The following FABP3 variants were observed in gnomAD, a reference collection of about 807,000 sequenced individuals.
FABP3 encodes the protein fatty acid-binding protein, heart.
Under a neutral mutation model 13.4 loss-of-function variants are expected in FABP3, and 8 were observed. The observed-to-expected ratio is 0.60, with a 90% CI of 0.35 to 1.07. The LOEUF (loss-of-function observed/expected upper bound fraction) is 1.07. Ranked by LOEUF, FABP3 falls within the 50% of genes least tolerant of loss-of-function variation. The pLI, the probability that FABP3 is intolerant of heterozygous loss-of-function variation, is 0.02. For missense variants in FABP3, 135 were observed against 164.7 expected (o/e 0.82, Z 0.99); for synonymous variants, 64 against 60.0 (o/e 1.07, Z -0.31).
chr1:31,371,079 C>T (rs1640200955), intron 1 of FABP3, among the ~76,000 whole-genome samples: 1 of 152,232 alleles, frequency 6.6e-6, no homozygotes, highest in Non-Finnish European at 1.5e-5. Context: ...GCGATTCTGT[C>T]CAGCACATAC....
downstream of FABP3, chr1:31,364,989 A>G (rs1323417729): frequency 6.6e-6 from 1 of 152,246 alleles, no homozygotes; most frequent in Non-Finnish European, 1.5e-5. Context: ...TTACAGACTT[A>G]AAGTCACTGA....
intron 3 of FABP3, among the ~76,000 whole-genome samples, chr1:31,366,808 G>A (rs1175805510): frequency 2.0e-5 from 3 of 152,172 alleles, no homozygotes; most frequent in African/African-American, 7.2e-5. Context: ...TGAAAATGGG[G>A]TAGGACTAGA....
chr1:31,369,200 G>T, intron 2 of FABP3, 185 bp downstream of exon 2: 1 of 663,452 alleles, frequency 1.5e-6, no homozygotes. Context: ...CAAGAGGACA[G>T]AACTGACATG....
At chr1:31,368,730 G>A (rs1213979487) in intron 2 of FABP3, among the ~76,000 whole-genome samples, 1 of 152,234 alleles carries the variant, frequency 6.6e-6, no homozygotes, top group Non-Finnish European at 1.5e-5. Flanking sequence ...ATAGAACCCT[G>A]GGAGGAGGGG....
downstream of FABP3, chr1:31,364,556 G>C (rs1243616467): frequency 5.4e-5 from 13 of 241,254 alleles, no homozygotes; most frequent in Non-Finnish European, 1.1e-4. Flanking sequence ...CTGTTGTGGA[G>C]GTGAGTTCGG....
chr1:31,362,680 C>T (rs6663779), downstream of FABP3, among the ~76,000 whole-genome samples: 31,916 of 151,984 alleles, frequency 0.21, 3,701 homozygotes, highest in African/African-American at 0.3. Flanking sequence ...TTTCCCCTGG[C>T]ACCAGGATCT....
chr1:31,371,341 C>T (rs1377034541), intron 1 of FABP3, among the ~76,000 whole-genome samples: 1 of 152,144 alleles, frequency 6.6e-6, no homozygotes, highest in Non-Finnish European at 1.5e-5. Flanking sequence ...TAGGATCTAC[C>T]CAGAGGTATG....
chr1:31,364,105 G>C, downstream of FABP3: 1 of 1,613,836 alleles, frequency 6.2e-7, no homozygotes, highest in Non-Finnish European at 8.5e-7. Context: ...AGTGATACAG[G>C]CAAGAGGGCA....
In FABP3 at chr1:31,365,782, A is replaced by T; in HGVS notation, c.*104T>A. 9.4e-7 allele frequency: 1 copy of T among 1,064,228 alleles called. No homozygotes were observed. Among genetic ancestry groups the T allele is most frequent in the Non-Finnish European group, 1.4e-6 (1 of 694,654 alleles). The allele number at this position is 1,064,228 out of a possible 1,614,324, so 65.9% of individuals were successfully genotyped here. On this transcript the variant is annotated 3_prime_UTR_variant, in exon 4 of 4. Coordinates refer to ENST00000373713, the MANE Select transcript of FABP3 (RefSeq NM_004102.5). ...GTCAGTGGCACCTGACCCCAGAAGAATTCGTGGATTTGTACAAAATGCAGA... is the reference window on the plus strand; with the variant it reads ...GTCAGTGGCACCTGACCCCAGAAGATTTCGTGGATTTGTACAAAATGCAGA...
intron 2 of FABP3, 48 bp from the exon 3 acceptor site, chr1:31,367,542 G>A (rs1640135452): frequency 6.6e-7 from 1 of 1,508,872 alleles, no homozygotes; most frequent in African/African-American, 1.4e-5. Flanking sequence ...GTCAGGAATT[G>A]AGGGGCAGGG....
intron 2 of FABP3, 63 bp from the exon 3 acceptor site, chr1:31,367,557 G>A: frequency 7.2e-7 from 1 of 1,394,704 alleles, no homozygotes; most frequent in African/African-American, 1.4e-5. Context: ...GCAGGGTGGG[G>A]TCTGGACACT....
At chr1:31,362,184 G>A (rs1022268956), downstream of FABP3, among the ~76,000 whole-genome samples, 4 of 152,188 alleles carry the variant, frequency 2.6e-5, no homozygotes, top group African/African-American at 9.7e-5. Flanking sequence ...CTTGCCCACG[G>A]ATGCAGAATA....
At chr1:31,366,012 T>C in intron 3 of FABP3, 73 bp from the exon 4 acceptor site, 1 of 1,327,660 alleles carries the variant, frequency 7.5e-7, no homozygotes, top group African/African-American at 1.4e-5. Context: ...CCTCCCTTCC[T>C]CCTGATAATT....
intron 1 of FABP3, among the ~76,000 whole-genome samples, chr1:31,370,888 G>A (rs1640196333): frequency 6.6e-6 from 1 of 152,234 alleles, no homozygotes; most frequent in African/African-American, 2.4e-5. Flanking sequence ...CTTGCTGGAA[G>A]CTAGGTACTC....
Position 31,369,459 on chromosome 1 carries a change from A to T in FABP3, c.172T>A (p.Phe58Ile). 1 of 1,614,150 alleles carries T rather than the reference A, an allele frequency of 6.2e-7. No homozygotes were observed. The highest frequency in any genetic ancestry group is 1.1e-5 in the South Asian group (1 of 91,070). ...TTAAAGCTGATCTCTGTGTTCTTGA[A>T]GGTGCTGTGTGTTTTTAGGGTGAGA... ...DILTLKTHST[F>I]KNTEISFKLG... The change falls in exon 2 of 4, where the codon TTC (phenylalanine) becomes ATC (isoleucine). Residue 58 changes from phenylalanine (F) to isoleucine (I), a missense_variant. Coordinates refer to ENST00000373713, the MANE Select transcript of FABP3 (RefSeq NM_004102.5).
At chr1:31,366,358 C>T (rs1640113358) in intron 3 of FABP3, among the ~76,000 whole-genome samples, 1 of 152,122 alleles carries the variant, frequency 6.6e-6, no homozygotes, top group Non-Finnish European at 1.5e-5. Flanking sequence ...TAACTCCAAT[C>T]CTTCCCTAAC....
intron 1 of FABP3, among the ~76,000 whole-genome samples, chr1:31,371,030 T>G (rs1344712657): frequency 6.6e-6 from 1 of 152,242 alleles, no homozygotes; most frequent in Non-Finnish European, 1.5e-5. Flanking sequence ...TGACATAGAT[T>G]TGAACCTCGG....
intron 1 of FABP3, among the ~76,000 whole-genome samples, chr1:31,371,165 C>T (rs1381983231): frequency 6.6e-6 from 1 of 152,192 alleles, no homozygotes; most frequent in Non-Finnish European, 1.5e-5. Flanking sequence ...AGCCCTAGGT[C>T]TACAGCAGGA....
At position 31,365,262 on chromosome 1, in the gene FABP3, A is replaced by C. The variant is rs1177972236; in HGVS notation, c.*624T>G. Among the ~76,000 whole-genome samples, 1 of 152,188 alleles carries C rather than the reference A, an allele frequency of 6.6e-6. No individual in the cohort carries two copies. The highest frequency in any genetic ancestry group is 1.9e-4 in the East Asian group (1 of 5,178). ...GGTCATTTTCTCCCACCACCATGGT[A>C]CAAGCCTGGGTTCTGTGCCCTGAAC... On this transcript the variant is annotated 3_prime_UTR_variant, in exon 4 of 4. Transcript: ENST00000373713.
Sources: gnomAD v4.1 joint callset for allele counts (sites outside exome capture counted in the v4.1 genomes callset) on GRCh38, gnomAD v4.1.1 for gene constraint, MANE v1.5 for transcripts, NCBI Gene and HGNC (gene_info 2026-07-23, HGNC 2026-07-21) for gene names.